The following DENND4C variants were observed in gnomAD, a reference collection of about 807,000 sequenced individuals.
DENND4C encodes DENN domain-containing protein 4C.
In DENND4C, 108 loss-of-function variants were observed where a neutral mutation model predicts 203.0. The ratio of observed to expected loss-of-function variants is 0.53; its 90% confidence interval spans 0.46 to 0.62. The LOEUF is 0.62. Among genes scored for constraint, DENND4C ranks in the 20% least tolerant of loss-of-function variants. The pLI is 0.00. For missense variants in DENND4C, 2,481 were observed against 2,301.2 expected (o/e 1.08, Z -1.60); for synonymous variants, 871 against 792.4 (o/e 1.10, Z -1.67).
intron 1 of DENND4C, among the ~76,000 whole-genome samples, chr9:19,264,959 A>G (rs1379348253): frequency 6.6e-6 from 1 of 152,048 alleles, no homozygotes; most frequent in Non-Finnish European, 1.5e-5. Flanking sequence ...TTTTTGCTGT[A>G]TCCTGTAGGT....
At chr9:19,271,002 G>A (rs909614791) in intron 1 of DENND4C, among the ~76,000 whole-genome samples, 1 of 152,004 alleles carries the variant, frequency 6.6e-6, no homozygotes, top group Non-Finnish European at 1.5e-5. Flanking sequence ...TAAGTACTTA[G>A]GAATAAATCT....
chr9:19,340,674 T>C (rs1310115608), intron 20 of DENND4C, among the ~76,000 whole-genome samples: 1 of 152,218 alleles, frequency 6.6e-6, no homozygotes, highest in Admixed American at 6.5e-5. Context: ...TGTGTTTTAT[T>C]CTTACAGAGA....
At chr9:19,314,773 T>G (rs1405903577) in intron 10 of DENND4C, among the ~76,000 whole-genome samples, 3 of 152,206 alleles carry the variant, frequency 2.0e-5, no homozygotes, top group African/African-American at 7.2e-5. Flanking sequence ...AAAGCTGGAA[T>G]CTCTGCCCTT....
intron 1 of DENND4C, among the ~76,000 whole-genome samples, chr9:19,271,204 T>C (rs1341278339): frequency 8.7e-5 from 13 of 149,576 alleles, no homozygotes; most frequent in East Asian, 2.0e-4. Flanking sequence ...ATGGATTCTT[T>C]TTTTTTTTTT....
intron 16 of DENND4C, among the ~76,000 whole-genome samples, chr9:19,328,624 TA>T (rs1449130057): frequency 6.7e-6 from 1 of 148,484 alleles, no homozygotes; most frequent in East Asian, 2.0e-4. Flanking sequence ...AAAAAAAGTC[TA>T]TATATGTGTC....
chr9:19,312,860 C>T (rs11789075), intron 10 of DENND4C, among the ~76,000 whole-genome samples: 3 of 151,950 alleles, frequency 2.0e-5, no homozygotes, highest in African/African-American at 4.8e-5. Flanking sequence ...CTCATTAATA[C>T]GTTATGTTAG....
At position 19,296,198 on chromosome 9, in the gene DENND4C, T is replaced by G. The variant is rs1837425048; in HGVS notation, c.992T>G (p.Phe331Cys). Residue 331 changes from phenylalanine (F) to cysteine (C), a missense_variant, in exon 6 of 33, where the codon TTT becomes TGT. Around this residue, in one of 3 missense-constraint regions of DENND4C, gnomAD observed 2,289 missense variants for 2,113.3 expected, o/e 1.08. Transcript: ENST00000434457. Reference protein sequence around the residue: ...FFEAFRKFLMFIYKLSVSGPH... With the variant: ...FFEAFRKFLMCIYKLSVSGPH... ...GAAGCTTTTAGGAAATTTCTTATGT[T>G]TATCTACAAACTTTCTGTGTCTGGA... 2 of 1,613,850 alleles carry G rather than the reference T, an allele frequency of 1.2e-6. No individual in the cohort carries two copies. The highest frequency in any genetic ancestry group is 1.3e-5 in the African/African-American group (1 of 75,002).
chr9:19,357,834 T>TA, intron 27 of DENND4C, 131 bp from the exon 28 acceptor site: 2 of 729,314 alleles, frequency 2.7e-6, no homozygotes, highest in Non-Finnish European at 2.1e-6. Context: ...ATGCAATTCT[T>TA]ACAAGGTGGT....
intron 10 of DENND4C, among the ~76,000 whole-genome samples, chr9:19,307,845 C>G (rs1033898873): frequency 5.9e-5 from 9 of 151,734 alleles, no homozygotes; most frequent in Admixed American, 5.3e-4. Flanking sequence ...ATATTTTGCT[C>G]CTTTCTCCCA....
intron 1 of DENND4C, among the ~76,000 whole-genome samples, chr9:19,267,700 C>A (rs557547926): frequency 6.6e-6 from 1 of 151,950 alleles, no homozygotes; most frequent in African/African-American, 2.4e-5. Flanking sequence ...CTGCACCTGG[C>A]CAATTTTTCT....
chr9:19,287,135 T>A, intron 3 of DENND4C, 114 bp downstream of exon 3: 1 of 966,112 alleles, frequency 1.0e-6, no homozygotes. Context: ...ATGATGCTTG[T>A]TTTTATTTTT....
At position 19,332,015 on chromosome 9, in the gene DENND4C, A is replaced by T. The variant is rs540274422; in HGVS notation, c.2291A>T (p.Tyr764Phe). The T allele has an allele frequency of 1.2e-6, 2 of 1,614,052 alleles. No individual in the cohort carries two copies. Among genetic ancestry groups the T allele is most frequent in the South Asian group, 1.1e-5 (1 of 91,080 alleles). The change falls in exon 17 of 33, where the codon TAT becomes TTT. Residue 764 changes from tyrosine to phenylalanine, a missense_variant. Around this residue, in one of 3 missense-constraint regions of DENND4C, gnomAD observed 2,289 missense variants for 2,113.3 expected, o/e 1.08. Coordinates refer to ENST00000434457, the MANE Select transcript of DENND4C (RefSeq NM_001330640.2). ...KTAHKLAKRC[Y>F]TNPPQWAKCL... ...GCTCATAAATTGGCGAAGAGATGTT[A>T]TACAAATCCACCACAGTGGGCCAAG... is the stretch of plus-strand genomic sequence containing the variant.
chr9:19,293,631 A>C (rs1383498769), intron 5 of DENND4C, among the ~76,000 whole-genome samples: 4 of 152,158 alleles, frequency 2.6e-5, no homozygotes, highest in African/African-American at 9.7e-5. Flanking sequence ...CAGTGTTTTA[A>C]GGAATGGGCA....
intron 1 of DENND4C, among the ~76,000 whole-genome samples, chr9:19,266,108 C>G (rs1351916160): frequency 6.6e-6 from 1 of 152,190 alleles, no homozygotes; most frequent in African/African-American, 2.4e-5. Flanking sequence ...CACATCCTCT[C>G]CAGCACCTGT....
intron 6 of DENND4C, among the ~76,000 whole-genome samples, chr9:19,296,907 T>G (rs1837585320): frequency 6.6e-6 from 1 of 152,168 alleles, no homozygotes; most frequent in Non-Finnish European, 1.5e-5. Context: ...TAGAAATTAG[T>G]CGGAATGAGT....
intron 2 of DENND4C, among the ~76,000 whole-genome samples, chr9:19,283,550 A>G (rs937444250): frequency 6.6e-6 from 1 of 151,488 alleles, no homozygotes; most frequent in African/African-American, 2.4e-5. Context: ...ATGATTGTAT[A>G]GTATAATTTA....
At chr9:19,335,863 C>G (rs1387893039) in intron 18 of DENND4C, among the ~76,000 whole-genome samples, 2 of 152,034 alleles carry the variant, frequency 1.3e-5, no homozygotes, top group Non-Finnish European at 2.9e-5. Flanking sequence ...ATTTCTTTTG[C>G]ATATCTATAC....
At position 19,373,718 on chromosome 9, in the gene DENND4C, T is replaced by C. The variant is rs1829213114; in HGVS notation, c.*1545T>C. Among the ~76,000 whole-genome samples the C allele has an allele frequency of 6.6e-6, 1 of 152,196 alleles. No individual in the cohort carries two copies. Among genetic ancestry groups the C allele is most frequent in the African/African-American group, 2.4e-5 (1 of 41,460 alleles). On this transcript the variant is annotated 3_prime_UTR_variant, in exon 33 of 33. Coordinates refer to ENST00000434457, the MANE Select transcript of DENND4C (RefSeq NM_001330640.2). ...AGTTTGCCTTAACTCTCTGCATGGT[T>C]TAAAAAGCCATTGGTTTTGTGTGTG...
rs1280232461 is a variant in DENND4C at position 19,269,479 on chromosome 9, A to AGT, written c.-17-6674_-17-6673dup. Among the ~76,000 whole-genome samples the AGT allele has an allele frequency of 1.4e-4, 22 of 152,266 alleles. 2 individuals are homozygous for AGT. The highest frequency in any genetic ancestry group is 4.6e-4 in the Admixed American group (7 of 15,284). On this transcript the variant is annotated intron_variant, in intron 1 of 32. Transcript: ENST00000434457. ...CGGCCCCTTGACTGTGTTTTCAAAT[A>AGT]GTGTGTCTTCAAGCTCATGATTTCT... is the stretch of plus-strand genomic sequence containing the variant.
Sources: gnomAD v4.1 joint callset for allele counts (sites outside exome capture counted in the v4.1 genomes callset) on GRCh38, gnomAD v4.1.1 for gene constraint, gnomAD v4.1.1 regional missense constraint, MANE v1.5 for transcripts, NCBI Gene and HGNC (gene_info 2026-07-23, HGNC 2026-07-21) for gene names.